Variants in TTLL12 observed in about 807,000 individuals in gnomAD.
TTLL12 encodes tubulin tyrosine ligase like 12, also known as tubulin--tyrosine ligase-like protein 12.
In TTLL12, 77 loss-of-function variants were observed where a neutral mutation model predicts 79.6. That is an observed-to-expected ratio of 0.97 (90% CI 0.81 to 1.17). The LOEUF is 1.17. Ranked by LOEUF, TTLL12 falls within the 50% of genes most tolerant of loss-of-function variation. The pLI is 0.00. For missense variants in TTLL12, 969 were observed against 895.9 expected (o/e 1.08, Z -1.04); for synonymous variants, 437 against 376.1 (o/e 1.16, Z -1.87).
Position 43,178,897 on chromosome 22 carries a change from A to G in TTLL12, c.840+722T>C, listed in dbSNP as rs143416833. On this transcript the variant is annotated intron_variant, in intron 5 of 13. Coordinates refer to ENST00000216129, the MANE Select transcript of TTLL12 (RefSeq NM_015140.4). ...GAGTGGCACACGCCCACAAAGTACT[A>G]AGCACAGGCTCCCTTGTAGGCTGGT... Among the ~76,000 whole-genome samples the G allele has an allele frequency of 3.6e-3, 544 of 152,366 alleles. 4 individuals carry two copies. Among genetic ancestry groups the G allele is most frequent in the African/African-American group, 0.013 (529 of 41,588 alleles).
At chr22:43,181,702 C>T (rs73163910) in intron 2 of TTLL12, among the ~76,000 whole-genome samples, 172 of 152,336 alleles carry the variant, frequency 1.1e-3, no homozygotes, top group South Asian at 2.3e-3. Flanking sequence ...AGCTTGCCCC[C>T]GTCTCTGTTC....
intron 1 of TTLL12, among the ~76,000 whole-genome samples, chr22:43,184,515 C>T (rs931578749): frequency 1.3e-5 from 2 of 152,202 alleles, no homozygotes; most frequent in Admixed American, 6.5e-5. Flanking sequence ...AGGAACTCCA[C>T]GCAGAGGGAA....
At chr22:43,182,039 G>GGAAGCAGAAAGGCCCA (rs764689987) in intron 2 of TTLL12, among the ~76,000 whole-genome samples, 8,794 of 151,596 alleles carry the variant, frequency 0.058, 421 homozygotes, top group Non-Finnish European at 0.088. Flanking sequence ...AGAAAGGCCC[G>GGAAGCAGAAAGGCCCA]GAAGCAGGTG....
chr22:43,169,485 CA>C lies in TTLL12; in HGVS notation c.1644+14del. 1.3e-6 allele frequency: 2 copies of C among 1,578,678 alleles called. No individual in the cohort carries two copies. The highest frequency in any genetic ancestry group is 1.7e-6 in the Non-Finnish European group (2 of 1,161,886). On this transcript the variant is annotated intron_variant, in intron 12 of 13. Transcript: ENST00000216129. ...CGCCCCACCGGCCTGCGATGGTGTG[CA>C]GGACAGGAATTACCTGGACGTCCGT...
At chr22:43,181,537 C>G (rs1444973887) in intron 2 of TTLL12, among the ~76,000 whole-genome samples, 3 of 152,230 alleles carry the variant, frequency 2.0e-5, no homozygotes, top group Non-Finnish European at 4.4e-5. Flanking sequence ...ACACAGGACC[C>G]CTGCAGCTGA....
chr22:43,174,002 G>A (rs1467147446), intron 8 of TTLL12, among the ~76,000 whole-genome samples, 176 bp from the exon 9 acceptor site: 12 of 152,206 alleles, frequency 7.9e-5, no homozygotes, highest in Admixed American at 7.9e-4. Flanking sequence ...CAGAGGCCAG[G>A]CAGCTGCGCT....
At position 43,183,141 on chromosome 22, in the gene TTLL12, G is replaced by A. The variant is rs146360108; in HGVS notation, c.186C>T (p.Asp62=). ...LLHKLEHEVF[D]AGEVFGIMQV... ...GCATGATCCCAAACACTTCCCCAGC[G>A]TCGAAAACCTGGGGGCCAGAGTTCC... Residue 62 remains aspartate (D), a synonymous_variant, in exon 2 of 14, where the codon GAC becomes GAT. Transcript: ENST00000216129. The A allele has an allele frequency of 1.2e-5, 19 of 1,613,634 alleles. No homozygotes were observed. The highest frequency in any genetic ancestry group is 5.3e-5 in the African/African-American group (4 of 74,894).
chr22:43,180,701 T>C, intron 3 of TTLL12, 41 bp downstream of exon 3: 1 of 1,602,178 alleles, frequency 6.2e-7, no homozygotes, highest in Non-Finnish European at 8.5e-7. Flanking sequence ...TCTGTGCCCA[T>C]GCCTGTCCTC....
At chr22:43,177,384 A>T (rs74445901) in intron 5 of TTLL12, among the ~76,000 whole-genome samples, 6 of 152,164 alleles carry the variant, frequency 3.9e-5, no homozygotes, top group Non-Finnish European at 8.8e-5. Flanking sequence ...AAATTAAAAA[A>T]AAAAAAAGAT....
chr22:43,176,449 G>A (rs537042544), intron 5 of TTLL12, 53 bp from the exon 6 acceptor site: 37 of 1,464,040 alleles, frequency 2.5e-5, no homozygotes, highest in South Asian at 3.6e-5. Context: ...GGAGGGAAAG[G>A]CCGGCCGTGG....
intron 1 of TTLL12, among the ~76,000 whole-genome samples, chr22:43,185,274 TATATA>T: frequency 2.6e-5 from 1 of 38,352 alleles, no homozygotes; most frequent in South Asian, 8.9e-4. Flanking sequence ...TATATATATA[TATATA>T]TATATATATA....
rs1283039136 is a variant in TTLL12, at chr22:43,174,489, G to A, written c.1034+10C>T. 7 of 1,598,364 alleles carry A rather than the reference G, an allele frequency of 4.4e-6. No individual in the cohort carries two copies. In the East Asian group the frequency reaches 1.1e-4, roughly 26 times the overall value. On this transcript the variant is annotated intron_variant, in intron 7 of 13. Coordinates refer to ENST00000216129, the MANE Select transcript of TTLL12 (RefSeq NM_015140.4). ...ACTGGGAGGGCCCCTGCGGCCAGAG[G>A]TGCCCTCACCTGTAGTCCTTGAAGT... is the stretch of plus-strand genomic sequence containing the variant.
At chr22:43,183,514 G>A (rs1932110544) in intron 1 of TTLL12, among the ~76,000 whole-genome samples, 1 of 152,194 alleles carries the variant, frequency 6.6e-6, no homozygotes, top group South Asian at 2.1e-4. Context: ...AGAGAGGGTG[G>A]CTCCAATTAC....
At chr22:43,168,638 C>A (rs1259594116) in intron 13 of TTLL12, 136 bp downstream of exon 13, 48 of 1,298,690 alleles carry the variant, frequency 3.7e-5, no homozygotes, top group Non-Finnish European at 4.5e-5. Flanking sequence ...CAAGCCAGGG[C>A]TTTCCCCAAC....
At chr22:43,172,219 G>A (rs1006245662) in intron 10 of TTLL12, among the ~76,000 whole-genome samples, 184 bp downstream of exon 10, 7 of 152,216 alleles carry the variant, frequency 4.6e-5, no homozygotes, top group Non-Finnish European at 7.3e-5. Flanking sequence ...CTCTGAGGTG[G>A]GCAGGGCAAG....
At position 43,168,801 on chromosome 22, in the gene TTLL12, T is replaced by A; in HGVS notation, c.1756A>T (p.Met586Leu). The change falls in exon 13 of 14, where the codon ATG becomes TTG. Residue 586 changes from methionine to leucine, a missense_variant. Met to Leu is a conservative substitution (Grantham distance 15). Transcript: ENST00000216129. The part of the protein sequence containing the change: ...SSRAMYAVDL[M>L]LKWDNGPDGR... ...TCTGGGCCGTTGTCCCACTTCAGCA[T>A]GAGGTCGACGGCATACATGGCCCGG... The A allele has an allele frequency of 2.5e-6, 4 of 1,571,866 alleles. No homozygotes were observed. The highest frequency in any genetic ancestry group is 3.5e-6 in the Non-Finnish European group (4 of 1,159,310).
chr22:43,177,504 G>A (rs1433688699), intron 5 of TTLL12, among the ~76,000 whole-genome samples: 1 of 152,332 alleles, frequency 6.6e-6, no homozygotes, highest in East Asian at 1.9e-4. Context: ...GGAAAAAGGT[G>A]GAAGGGACAG....
At chr22:43,181,702 C>G (rs73163910) in intron 2 of TTLL12, among the ~76,000 whole-genome samples, 10,753 of 152,322 alleles carry the variant, frequency 0.071, 527 homozygotes, top group Non-Finnish European at 0.11. Flanking sequence ...AGCTTGCCCC[C>G]GTCTCTGTTC....
Position 43,173,772 on chromosome 22 carries a change from G to A in TTLL12, c.1284C>T (p.Asp428=), listed in dbSNP as rs1198350082. 1 of 1,604,998 alleles carries A rather than the reference G, an allele frequency of 6.2e-7. No homozygotes were observed. Among genetic ancestry groups the A allele is most frequent in the Non-Finnish European group, 8.5e-7 (1 of 1,179,946 alleles). Residue 428 remains aspartate, a synonymous_variant, in exon 9 of 14, where the codon GAC becomes GAT. Transcript: ENST00000216129. ...TGTGCAGGCTCTTGGTGACGTGGGT[G>A]TCCAGGCTGCGCGCCAGGTTCCAGG... ...CKPWNLARSL[D]THVTKSLHSI...
Sources: allele counts gnomAD v4.1 joint callset (sites outside exome capture counted in the v4.1 genomes callset), GRCh38; gene constraint gnomAD v4.1.1; transcripts MANE v1.5; gene names NCBI Gene and HGNC (gene_info 2026-07-23, HGNC 2026-07-21).